The following RXFP1 variants were observed in gnomAD, a reference collection of about 807,000 sequenced individuals.
RXFP1 encodes relaxin family peptide receptor 1.
A neutral mutation model predicts 89.8 loss-of-function variants in RXFP1; 73 were observed. The ratio of observed to expected loss-of-function variants is 0.81; its 90% CI spans 0.67 to 0.99. The LOEUF (loss-of-function observed/expected upper bound fraction) is 0.99. Ranked by LOEUF, RXFP1 falls within the 50% of genes least tolerant of loss-of-function variation. The pLI, the probability that RXFP1 is intolerant of heterozygous loss-of-function variation, is 0.00. For synonymous variants in RXFP1, 277 were observed against 305.5 expected (o/e 0.91, Z 0.97); for missense variants, 793 against 895.5 (o/e 0.89, Z 1.46).
At chr4:158,626,296 C>G (rs1361722973) in intron 9 of RXFP1, among the ~76,000 whole-genome samples, 4 of 151,954 alleles carry the variant, frequency 2.6e-5, no homozygotes, top group Non-Finnish European at 5.9e-5. Context: ...TAAGGGTATT[C>G]CCAATAGTAA....
intron 3 of RXFP1, among the ~76,000 whole-genome samples, chr4:158,598,356 G>T (rs1473288820): frequency 6.6e-6 from 1 of 152,126 alleles, no homozygotes. Context: ...GAGAGAAGCT[G>T]TTGCACTTGG....
At chr4:158,643,234 C>G (rs1300302710) in intron 14 of RXFP1, among the ~76,000 whole-genome samples, 3 of 152,136 alleles carry the variant, frequency 2.0e-5, no homozygotes, top group African/African-American at 7.2e-5. Context: ...TTTTCTATGT[C>G]TGCAGCTTAA....
chr4:158,599,825 A>G lies in RXFP1; in HGVS notation c.392+394A>G, dbSNP rs188239495. Reference sequence around the variant, plus strand: ...TAGAATTTATTGGACCCAAATTTTAATATAATCTGATGTGTAAGTTAAAAA... The same window carrying G: ...TAGAATTTATTGGACCCAAATTTTAGTATAATCTGATGTGTAAGTTAAAAA... On this transcript the variant is annotated intron_variant, in intron 4 of 17. Transcript: ENST00000307765. 4.9e-3 allele frequency among the ~76,000 whole-genome samples: 739 copies of G among 152,334 alleles called. 5 individuals carry two copies. The highest frequency in any genetic ancestry group is 9.0e-3 in the Non-Finnish European group (615 of 68,026).
intron 2 of RXFP1, among the ~76,000 whole-genome samples, chr4:158,592,307 C>T (rs1759636191): frequency 6.6e-6 from 1 of 152,210 alleles, no homozygotes; most frequent in Non-Finnish European, 1.5e-5. Context: ...GGCATGGTGG[C>T]TTACACCTGT....
At chr4:158,537,047 A>G (rs1257715098) in intron 1 of RXFP1, among the ~76,000 whole-genome samples, 1 of 151,898 alleles carries the variant, frequency 6.6e-6, no homozygotes. Flanking sequence ...GGTTTTTGAC[A>G]ACGCAATTAC....
chr4:158,530,949 C>T lies in RXFP1; in HGVS notation c.49+8924C>T, dbSNP rs374573516. Among the ~76,000 whole-genome samples the T allele has an allele frequency of 1.2e-4, 19 of 152,164 alleles. No homozygotes were observed. The East Asian group carries it at 2.9e-3, about 23-fold the overall frequency. ...TTTTGTAGCGCATCTGGCTCTTGGG[C>T]ACCTTTTTTCAAAGTTTCTATGCTA... On this transcript the variant is annotated intron_variant, in intron 1 of 17. Coordinates refer to ENST00000307765, the MANE Select transcript of RXFP1 (RefSeq NM_021634.4).
At chr4:158,582,962 C>T (rs1561063331) in intron 2 of RXFP1, among the ~76,000 whole-genome samples, 1 of 152,144 alleles carries the variant, frequency 6.6e-6, no homozygotes, top group Non-Finnish European at 1.5e-5. Context: ...AATCAAATAC[C>T]AAGAAATTTG....
intron 1 of RXFP1, among the ~76,000 whole-genome samples, chr4:158,538,084 T>C (rs1436293428): frequency 1.3e-5 from 2 of 152,116 alleles, no homozygotes; most frequent in Non-Finnish European, 2.9e-5. Context: ...TCAAATTAAG[T>C]GAGGGAAGAA....
In RXFP1 at chr4:158,570,525, A is replaced by C. The variant is rs73860529; in HGVS notation, c.50-2173A>C. 3.9e-3 allele frequency among the ~76,000 whole-genome samples: 586 copies of C among 152,116 alleles called. 2 individuals carry two copies. Among genetic ancestry groups the C allele is most frequent in the African/African-American group, 0.013 (558 of 41,498 alleles). On this transcript the variant is annotated intron_variant, in intron 1 of 17. Transcript: ENST00000307765. ...CAAGCCAATTCAGAACATTCTGTCC[A>C]TTTCCATTCTACCCCTAAATTACAT... is the stretch of plus-strand genomic sequence containing the variant.
At chr4:158,563,916 A>G (rs1753018346) in intron 1 of RXFP1, among the ~76,000 whole-genome samples, 1 of 148,404 alleles carries the variant, frequency 6.7e-6, no homozygotes, top group Non-Finnish European at 1.5e-5. Flanking sequence ...TATATATAAC[A>G]TAACATAATA....
At chr4:158,643,570 C>T (rs1163803299) in intron 14 of RXFP1, among the ~76,000 whole-genome samples, 1 of 145,506 alleles carries the variant, frequency 6.9e-6, no homozygotes, top group Non-Finnish European at 1.5e-5. Context: ...TCCACAGGTT[C>T]AAGCGATTCT....
At chr4:158,645,547 T>A (rs769275390) in intron 15 of RXFP1, among the ~76,000 whole-genome samples, 2 of 152,218 alleles carry the variant, frequency 1.3e-5, no homozygotes, top group Non-Finnish European at 2.9e-5. Flanking sequence ...CAACTACATG[T>A]TTTCCTGATC....
rs186550943 is a variant in RXFP1 at position 158,647,070 on chromosome 4, T to C, written c.1625T>C (p.Val542Ala). The change falls in exon 16 of 18, where the codon GTG becomes GCG. Residue 542 changes from valine (V) to alanine (A), a missense_variant. Physicochemically the swap from Val to Ala is moderately conservative, Grantham distance 64 (BLOSUM62 0). Coordinates refer to ENST00000307765, the MANE Select transcript of RXFP1 (RefSeq NM_021634.4). ...CTCATTTGGATTACTGGTTTTATAG[T>C]GGCTTTCATTCCATTGAGCAATAAG... ...LILIWITGFI[V>A]AFIPLSNKEF... The C allele has an allele frequency of 4.3e-5, 70 of 1,614,196 alleles. No homozygotes were observed. In the Admixed American group the frequency reaches 8.8e-4, roughly 20 times the overall value.
At chr4:158,539,093 G>T (rs946632696) in intron 1 of RXFP1, among the ~76,000 whole-genome samples, 1 of 152,174 alleles carries the variant, frequency 6.6e-6, no homozygotes, top group African/African-American at 2.4e-5. Flanking sequence ...CTCCCATCAT[G>T]GGAAGCATTA....
intron 9 of RXFP1, among the ~76,000 whole-genome samples, chr4:158,621,726 T>C (rs55645761): frequency 0.22 from 33,638 of 152,114 alleles, 5,501 homozygotes; most frequent in African/African-American, 0.45. Flanking sequence ...TAAACTCACC[T>C]ATTAAAAGGA....
At chr4:158,552,291 G>C (rs1290788624) in intron 1 of RXFP1, among the ~76,000 whole-genome samples, 1 of 152,182 alleles carries the variant, frequency 6.6e-6, no homozygotes, top group East Asian at 1.9e-4. Context: ...AAAGAGTTTT[G>C]TCATAATTTG....
chr4:158,560,279 G>A (rs1389189865), intron 1 of RXFP1, among the ~76,000 whole-genome samples: 1 of 152,194 alleles, frequency 6.6e-6, no homozygotes, highest in Non-Finnish European at 1.5e-5. Flanking sequence ...TGATAGCTCA[G>A]GGATGATTTT....
rs1347974365 is a variant in RXFP1, at chr4:158,599,537, G to T, written c.392+106G>T. Reference sequence around the variant, plus strand: ...TCATAATATATTTTTATTCAAAGATGATGTCATTTTTCCTGGGTCAGGTAT... The same window carrying T: ...TCATAATATATTTTTATTCAAAGATTATGTCATTTTTCCTGGGTCAGGTAT... On this transcript the variant is annotated intron_variant, in intron 4 of 17. Transcript: ENST00000307765. The T allele has an allele frequency of 5.3e-6, 5 of 935,370 alleles. No individual in the cohort carries two copies. The East Asian group carries it at 1.1e-4, about 20-fold the overall frequency. 57.9% of individuals were successfully genotyped at this position (935,370 alleles called of 1,614,324 possible). A position where few individuals can be genotyped will look rare whatever the true frequency, so the allele number is the denominator to read the frequency against.
At chr4:158,625,224 G>C (rs1002364573) in intron 9 of RXFP1, among the ~76,000 whole-genome samples, 1 of 152,118 alleles carries the variant, frequency 6.6e-6, no homozygotes, top group Non-Finnish European at 1.5e-5. Flanking sequence ...CACTATAAGT[G>C]ATTAGCTTCC....
Sources: gnomAD v4.1 joint callset for allele counts (sites outside exome capture counted in the v4.1 genomes callset) on GRCh38, gnomAD v4.1.1 for gene constraint, MANE v1.5 for transcripts, NCBI Gene and HGNC (gene_info 2026-07-23, HGNC 2026-07-21) for gene names.